Variants in MSH4 observed in about 807,000 individuals in gnomAD.
MSH4 encodes the protein mutS protein homolog 4.
A neutral mutation model predicts 113.7 loss-of-function variants in MSH4; 106 were observed. That is an observed-to-expected ratio of 0.93 (90% confidence interval 0.80 to 1.10). The LOEUF is 1.10. Ranked by LOEUF, MSH4 falls within the 50% of genes least tolerant of loss-of-function variation. The pLI is 0.00. For missense variants in MSH4, 1,061 were observed against 1,093.7 expected (o/e 0.97, Z 0.42); for synonymous variants, 368 against 380.2 (o/e 0.97, Z 0.37).
chr1:75,898,980 G>C (rs1570997825), intron 18 of MSH4, among the ~76,000 whole-genome samples: 1 of 152,158 alleles, frequency 6.6e-6, no homozygotes, highest in Non-Finnish European at 1.5e-5. Context: ...AATGTGAGCT[G>C]TGTGGCACAC....
At chr1:75,800,875 G>C (rs528116598) in intron 1 of MSH4, among the ~76,000 whole-genome samples, 26 of 152,298 alleles carry the variant, frequency 1.7e-4, no homozygotes, top group African/African-American at 6.3e-4. Context: ...TCATACTTAT[G>C]CTGTCCGATG....
intron 7 of MSH4, among the ~76,000 whole-genome samples, chr1:75,841,372 A>G (rs376457323): frequency 2.6e-5 from 4 of 151,808 alleles, no homozygotes; most frequent in African/African-American, 9.7e-5. Context: ...TAATTTTTAC[A>G]TTTTTTGTAG....
chr1:75,880,639 A>G (rs1018941404), intron 13 of MSH4, among the ~76,000 whole-genome samples: 1 of 152,138 alleles, frequency 6.6e-6, no homozygotes, highest in Non-Finnish European at 1.5e-5. Context: ...ATTTCAAGGC[A>G]TGTACCACCA....
intron 19 of MSH4, among the ~76,000 whole-genome samples, chr1:75,907,804 C>T (rs1652701536): frequency 6.7e-6 from 1 of 148,722 alleles, no homozygotes; most frequent in Non-Finnish European, 1.5e-5. Flanking sequence ...GCAACCTCCG[C>T]TTCTTGGATT....
chr1:75,885,059 G>GTGTGTGTATATATATATATATATATA (rs1300289205), intron 15 of MSH4, among the ~76,000 whole-genome samples: 4 of 112,560 alleles, frequency 3.6e-5, no homozygotes, highest in African/African-American at 1.2e-4. Context: ...GTGTGTGTGT[G>GTGTGTGTATATATATATATATATATA]TATATATATA....
chr1:75,885,621 TAA>T (rs1391247722), intron 15 of MSH4, among the ~76,000 whole-genome samples: 1 of 200 alleles, frequency 5.0e-3, no homozygotes, highest in African/African-American at 5.4e-3. Context: ...GTATTATATA[TAA>T]TATATATTAT....
At chr1:75,829,497 G>A (rs1309634119) in intron 7 of MSH4, among the ~76,000 whole-genome samples, 1 of 152,196 alleles carries the variant, frequency 6.6e-6, no homozygotes, top group Non-Finnish European at 1.5e-5. Context: ...CCCAAGTGGG[G>A]CCATGACCCC....
intron 7 of MSH4, among the ~76,000 whole-genome samples, chr1:75,843,114 G>A (rs1177566107): frequency 6.6e-6 from 1 of 152,140 alleles, no homozygotes; most frequent in African/African-American, 2.4e-5. Context: ...TGCCAGGCAG[G>A]GAAGGGCCAC....
intron 7 of MSH4, among the ~76,000 whole-genome samples, chr1:75,830,665 C>A (rs1182934247): frequency 2.6e-5 from 4 of 152,138 alleles, no homozygotes. Flanking sequence ...AATTTTCAAC[C>A]CAGAATTTCA....
intron 15 of MSH4, among the ~76,000 whole-genome samples, chr1:75,888,773 TATC>T (rs1226663400): frequency 6.6e-5 from 10 of 152,184 alleles, no homozygotes; most frequent in Admixed American, 5.2e-4. Context: ...TTTTGAATGT[TATC>T]ATTCAAGTAA....
chr1:75,797,012 C>G lies in MSH4; in HGVS notation c.27C>G (p.Thr9=), dbSNP rs145324507. The G allele has an allele frequency of 6.2e-7, 1 of 1,614,022 alleles. No individual in the cohort carries two copies. The highest frequency in any genetic ancestry group is 8.5e-7 in the Non-Finnish European group (1 of 1,180,032). ...TGCTGAGGCCTGAGATCTCATCAAC[C>G]TCGCCTTCTGCCCCGGCGGTTTCCC... MLRPEISS[T]SPSAPAVSPS... The change falls in exon 1 of 20, where the codon ACC becomes ACG. Residue 9 remains threonine, a synonymous_variant. Transcript: ENST00000263187.
intron 16 of MSH4, among the ~76,000 whole-genome samples, chr1:75,890,480 A>G (rs1213484039): frequency 6.6e-6 from 1 of 152,082 alleles, no homozygotes; most frequent in East Asian, 1.9e-4. Context: ...TCATATACAT[A>G]TGCATATGTC....
chr1:75,816,471 G>A lies in MSH4; in HGVS notation c.914G>A (p.Gly305Asp). 1 of 1,610,592 alleles carries A rather than the reference G, an allele frequency of 6.2e-7. No individual in the cohort carries two copies. Residue 305 changes from glycine (G) to aspartate (D), a missense_variant, in exon 6 of 20, where the codon GGT (glycine) becomes GAT (aspartate). By Grantham distance (94) the Gly-to-Asp change is moderately conservative. Coordinates refer to ENST00000263187, the MANE Select transcript of MSH4 (RefSeq NM_002440.4). Reference sequence around the variant, plus strand: ...AAATCACTGAAGATTTGTTTCCAGGGTAGTGAACAGACAGCCATGATAGAT... The same window carrying A: ...AAATCACTGAAGATTTGTTTCCAGGATAGTGAACAGACAGCCATGATAGAT... The part of the protein sequence containing the change: ...APKSLKICFQ[G>D]SEQTAMIDSS...
At chr1:75,881,810 T>C (rs1160427471) in intron 14 of MSH4, among the ~76,000 whole-genome samples, 2 of 152,062 alleles carry the variant, frequency 1.3e-5, no homozygotes. Context: ...ATGTAATTTA[T>C]TTTTATATCC....
At chr1:75,912,384 T>C (rs765499714) in intron 19 of MSH4, among the ~76,000 whole-genome samples, 13 of 152,130 alleles carry the variant, frequency 8.5e-5, no homozygotes, top group Non-Finnish European at 1.8e-4. Context: ...TCTATTACTT[T>C]TCGGTATTAT....
intron 19 of MSH4, among the ~76,000 whole-genome samples, chr1:75,909,470 A>AT (rs113036946): frequency 0.14 from 20,315 of 143,984 alleles, 1,560 homozygotes; most frequent in East Asian, 0.27. Context: ...CCAGAATTGT[A>AT]TTTTTTTTTT....
At chr1:75,888,318 A>T (rs1358618057) in intron 15 of MSH4, among the ~76,000 whole-genome samples, 1 of 151,674 alleles carries the variant, frequency 6.6e-6, no homozygotes, top group Non-Finnish European at 1.5e-5. Context: ...TTATCTTCTT[A>T]TAATGTTAGA....
chr1:75,908,590 G>T (rs1652720113), intron 19 of MSH4, among the ~76,000 whole-genome samples: 1 of 152,138 alleles, frequency 6.6e-6, no homozygotes, highest in South Asian at 2.1e-4. Flanking sequence ...CCACGATGTT[G>T]ATCACCAGCT....
At chr1:75,829,229 G>T (rs1233925909) in intron 7 of MSH4, among the ~76,000 whole-genome samples, 2 of 152,194 alleles carry the variant, frequency 1.3e-5, no homozygotes, top group Non-Finnish European at 2.9e-5. Flanking sequence ...TGGCAGCGAG[G>T]CTGGGGGATG....
Sources: gnomAD v4.1 joint callset for allele counts (sites outside exome capture counted in the v4.1 genomes callset) on GRCh38, gnomAD v4.1.1 for gene constraint, MANE v1.5 for transcripts, NCBI Gene and HGNC (gene_info 2026-07-23, HGNC 2026-07-21) for gene names.